Variants in CCR1 observed in about 807,000 individuals in gnomAD.
CCR1 encodes C-C motif chemokine receptor 1, also known as C-C chemokine receptor type 1.
In CCR1, 1 loss-of-function variant was observed where a neutral mutation model predicts 0.3. The observed-to-expected ratio is 3.70, with a 90% CI of 1.31 to 17.54. The LOEUF is 17.54. CCR1 is among the 30% of genes most tolerant of loss of function. The pLI is 0.11. For missense variants in CCR1, 349 were observed against 435.4 expected, an observed-to-expected ratio of 0.80 and a Z score of 1.77; for synonymous variants, 207 against 182.5, an observed-to-expected ratio of 1.13 and a Z score of -1.08.
chr3:46,204,355 CT>C, intron 1 of CCR1, 31 bp from the exon 2 acceptor site: 1 of 1,340,698 alleles, frequency 7.5e-7, no homozygotes, highest in Non-Finnish European at 1.0e-6. Context: ...AAAGATTTGT[CT>C]TTACTCTGCT....
chr3:46,203,201 G>T lies in CCR1; in HGVS notation c.*45C>A. Reference sequence around the variant, plus strand: ...CCAGGCTGCTGGCTCAGTGTGCCTGGCAGGTCACGCCTGCTTATTTTGGGT... The same window carrying T: ...CCAGGCTGCTGGCTCAGTGTGCCTGTCAGGTCACGCCTGCTTATTTTGGGT... On this transcript the variant is annotated 3_prime_UTR_variant, in exon 2 of 2. Coordinates refer to ENST00000296140, the MANE Select transcript of CCR1 (RefSeq NM_001295.3). This position sits in a 1 kb window ranked among gnomAD's most constrained non-coding sequence, Gnocchi z 4.5. 1.4e-6 allele frequency: 2 copies of T among 1,423,674 alleles called. No individual in the cohort carries two copies. The highest frequency in any genetic ancestry group is 1.9e-6 in the Non-Finnish European group (2 of 1,027,178). The allele number at this position is 1,423,674 out of a possible 1,614,324, so 88.2% of individuals were successfully genotyped here.
chr3:46,203,633 T>G lies in CCR1; in HGVS notation c.681A>C (p.Leu227=), dbSNP rs1699618876. The change falls in exon 2 of 2, where the codon CTA becomes CTC. Residue 227 remains leucine (L), a synonymous_variant. Transcript: ENST00000296140. The surrounding 1 kb of genome is among the most constrained non-coding windows in gnomAD (Gnocchi z 4.5). ...ICYTGIIKIL[L]RRPNEKKSKA... is the part of the protein sequence containing the mutation. Reference sequence around the variant, plus strand: ...TGGATTTCTTCTCATTTGGTCGTCTTAGCAGAATCTTTATAATCCCTGTGT... The same window carrying G: ...TGGATTTCTTCTCATTTGGTCGTCTGAGCAGAATCTTTATAATCCCTGTGT... 1 of 1,614,214 alleles carries G rather than the reference T, an allele frequency of 6.2e-7. No homozygotes were observed. Among genetic ancestry groups the G allele is most frequent in the Non-Finnish European group, 8.5e-7 (1 of 1,180,030 alleles).
At chr3:46,204,878 G>C (rs1440970698) in intron 1 of CCR1, among the ~76,000 whole-genome samples, 1 of 152,200 alleles carries the variant, frequency 6.6e-6, no homozygotes, top group Non-Finnish European at 1.5e-5. Context: ...ACGCTTTCCT[G>C]CTGCTGTCCC....
At chr3:46,206,805 C>A (rs1402111445) in intron 1 of CCR1, among the ~76,000 whole-genome samples, 4 of 152,158 alleles carry the variant, frequency 2.6e-5, no homozygotes, top group Non-Finnish European at 5.9e-5. Context: ...ATCTAATCTG[C>A]CAGCCCTGCT....
chr3:46,203,247 C>A lies in CCR1; in HGVS notation c.1067G>T (p.Ter356LeuextTer4). ...TGGGTTGGCCTCCTATGGTCTGAGT[C>A]AGAACCCAGCAGAGAGTTCATGCTC... ...TGEHELSAGF[*>L] The change falls in exon 2 of 2, where the codon TGA becomes TTA. Residue 356 changes from the stop codon to leucine, a stop_lost. Transcript: ENST00000296140. The surrounding 1 kb of genome is among the most constrained non-coding windows in gnomAD (Gnocchi z 4.5). The A allele has an allele frequency of 6.2e-7, 1 of 1,610,130 alleles. No individual in the cohort carries two copies. Among genetic ancestry groups the A allele is most frequent in the South Asian group, 1.1e-5 (1 of 90,668 alleles).
chr3:46,205,210 C>G (rs1460771060), intron 1 of CCR1, among the ~76,000 whole-genome samples: 1 of 152,144 alleles, frequency 6.6e-6, no homozygotes, highest in Non-Finnish European at 1.5e-5. Context: ...GATGAGGACA[C>G]TGAGGGCACC....
At chr3:46,204,591 A>G (rs1699630665) in intron 1 of CCR1, among the ~76,000 whole-genome samples, 1 of 152,186 alleles carries the variant, frequency 6.6e-6, no homozygotes, top group African/African-American at 2.4e-5. Flanking sequence ...ATTTCAGCAA[A>G]GAGTTTTGTA....
At chr3:46,204,647 A>G (rs1330543377) in intron 1 of CCR1, among the ~76,000 whole-genome samples, 1 of 152,222 alleles carries the variant, frequency 6.6e-6, no homozygotes, top group Admixed American at 6.5e-5. Context: ...ACCTTACCAT[A>G]CTATTCATAA....
chr3:46,203,354 C>G lies in CCR1; in HGVS notation c.960G>C (p.Val320=), dbSNP rs1699615689. 4 of 1,614,154 alleles carry G rather than the reference C, an allele frequency of 2.5e-6. No individual in the cohort carries two copies. The highest frequency in any genetic ancestry group is 3.4e-6 in the Non-Finnish European group (4 of 1,180,024). ...GGAGCCATTTAACCAGGTGCACAGC[C>G]ACACGCCTGTGGAACAACTGCCGCA... ...KYLRQLFHRR[V]AVHLVKWLPF... Residue 320 remains valine (V), a synonymous_variant, in exon 2 of 2, where the codon GTG becomes GTC. Transcript: ENST00000296140. The surrounding 1 kb of genome is among the most constrained non-coding windows in gnomAD (Gnocchi z 4.5).
Position 46,203,055 on chromosome 3 carries a change from T to G in CCR1, c.*191A>C. The G allele has an allele frequency of 5.6e-6, 3 of 536,778 alleles. No homozygotes were observed. The highest frequency in any genetic ancestry group is 6.6e-5 in the Admixed American group (2 of 30,116). 33.3% of individuals were successfully genotyped at this position (536,778 alleles called of 1,614,324 possible). A position where few individuals can be genotyped will look rare whatever the true frequency, so the allele number is the denominator to read the frequency against. The stretch of plus-strand genomic sequence containing the variant: ...CATCTTCTTTCTACCAGGGGAGAAG[T>G]TCATGGAAAAGACTGAAGCCCCAGA... On this transcript the variant is annotated 3_prime_UTR_variant, in exon 2 of 2. Transcript: ENST00000296140. This position sits in a 1 kb window ranked among gnomAD's most constrained non-coding sequence, Gnocchi z 4.5.
Position 46,203,197 on chromosome 3 carries a change from C to T in CCR1, c.*49G>A. 2 of 1,389,272 alleles carry T rather than the reference C, an allele frequency of 1.4e-6. No individual in the cohort carries two copies. Among genetic ancestry groups the T allele is most frequent in the Non-Finnish European group, 2.0e-6 (2 of 997,232 alleles). The allele number at this position is 1,389,272 out of a possible 1,614,324, so 86.1% of individuals were successfully genotyped here. ...AGAGCCAGGCTGCTGGCTCAGTGTG[C>T]CTGGCAGGTCACGCCTGCTTATTTT... On this transcript the variant is annotated 3_prime_UTR_variant, in exon 2 of 2. Transcript: ENST00000296140. This position sits in a 1 kb window ranked among gnomAD's most constrained non-coding sequence, Gnocchi z 4.5.
At chr3:46,207,853 G>T (rs1238409352) in intron 1 of CCR1, among the ~76,000 whole-genome samples, 1 of 151,998 alleles carries the variant, frequency 6.6e-6, no homozygotes, top group Non-Finnish European at 1.5e-5. Context: ...ATATGGCCAG[G>T]ATTGTCTCCA....
In CCR1 at chr3:46,203,188, C is replaced by T. The variant is rs1699613006; in HGVS notation, c.*58G>A. On this transcript the variant is annotated 3_prime_UTR_variant, in exon 2 of 2. Coordinates refer to ENST00000296140, the MANE Select transcript of CCR1 (RefSeq NM_001295.3). This position sits in a 1 kb window ranked among gnomAD's most constrained non-coding sequence, Gnocchi z 4.5. ...CTGGCTGGGAGAGCCAGGCTGCTGG[C>T]TCAGTGTGCCTGGCAGGTCACGCCT... The T allele has an allele frequency of 7.7e-7, 1 of 1,295,326 alleles. No individual in the cohort carries two copies. Among genetic ancestry groups the T allele is most frequent in the Non-Finnish European group, 1.1e-6 (1 of 917,244 alleles). The allele number at this position is 1,295,326 out of a possible 1,614,324, so 80.2% of individuals were successfully genotyped here.
rs758197206 is a variant in CCR1 at position 46,204,158 on chromosome 3, G to T, written c.156C>A (p.Asn52Lys). The T allele has an allele frequency of 6.2e-7, 1 of 1,614,138 alleles. No individual in the cohort carries two copies. ...GCACAAGGACCAGGACCACCAGGATGTTTCCAACCAGGCCAATGACAAATA... is the reference window on the plus strand; with the variant it reads ...GCACAAGGACCAGGACCACCAGGATTTTTCCAACCAGGCCAATGACAAATA... The part of the protein sequence containing the change: ...SLVFVIGLVG[N>K]ILVVLVLVQY... Residue 52 changes from asparagine to lysine, a missense_variant, in exon 2 of 2, where the codon AAC becomes AAA. By Grantham distance (94) the Asn-to-Lys change is moderately conservative. Transcript: ENST00000296140.
rs886476895 is a variant in CCR1, at chr3:46,204,326, T to C, written c.-11-2A>G. 2 of 1,486,848 alleles carry C rather than the reference T, an allele frequency of 1.3e-6. No individual in the cohort carries two copies. The highest frequency in any genetic ancestry group is 1.8e-6 in the Non-Finnish European group (2 of 1,113,550). 92.1% of individuals were successfully genotyped at this position (1,486,848 alleles called of 1,614,324 possible). On this transcript the variant is annotated splice_acceptor_variant, in intron 1 of 1. Transcript: ENST00000296140. LOFTEE classifies it low-confidence loss of function (5UTR_SPLICE). ...TTGGAGTTTCCATCCCGGCTTCTCC[T>C]ACAGGTTAAAAAAAAAAAAAAGATT...
In CCR1 at chr3:46,204,106, T is replaced by A; in HGVS notation, c.208A>T (p.Ser70Cys). ...VQYKRLKNMT[S>C]IYLLNLAISD... Reference sequence around the variant, plus strand: ...ATGGCCAGGTTCAGGAGGTAGATGCTGGTCATGTTTTTTAGCCTCTTGTAT... The same window carrying A: ...ATGGCCAGGTTCAGGAGGTAGATGCAGGTCATGTTTTTTAGCCTCTTGTAT... The change falls in exon 2 of 2, where the codon AGC becomes TGC. Residue 70 changes from serine (S) to cysteine (C), a missense_variant. Physicochemically the swap from Ser to Cys is moderately radical, Grantham distance 112. Transcript: ENST00000296140. 1 of 1,614,174 alleles carries A rather than the reference T, an allele frequency of 6.2e-7. No individual in the cohort carries two copies. Among genetic ancestry groups the A allele is most frequent in the Non-Finnish European group, 8.5e-7 (1 of 1,180,022 alleles).
chr3:46,204,054 A>G lies in CCR1; in HGVS notation c.260T>C (p.Leu87Pro). The change falls in exon 2 of 2, where the codon CTT becomes CCT. Residue 87 changes from leucine (L) to proline (P), a missense_variant. By Grantham distance (98) the Leu-to-Pro change is moderately conservative (BLOSUM62 -3). Coordinates refer to ENST00000296140, the MANE Select transcript of CCR1 (RefSeq NM_001295.3). ...AISDLLFLFT[L>P]PFWIDYKLKD... ...CAACTTGTAGTCGATCCAGAAGGGA[A>G]GCGTGAACAGGAAGAGCAGGTCAGA... 6.2e-7 allele frequency: 1 copy of G among 1,614,208 alleles called. No homozygotes were observed. Among genetic ancestry groups the G allele is most frequent in the Non-Finnish European group, 8.5e-7 (1 of 1,180,022 alleles).
intron 1 of CCR1, among the ~76,000 whole-genome samples, chr3:46,208,041 G>T (rs1175543546): frequency 6.6e-6 from 1 of 152,120 alleles, no homozygotes; most frequent in Non-Finnish European, 1.5e-5. Context: ...CTTCAAGTAA[G>T]CTTCCTTTTT....
In CCR1 at chr3:46,202,303, A is replaced by G. The variant is rs1157285680; in HGVS notation, c.*943T>C. The G allele has an allele frequency of 6.6e-6, 1 of 152,156 alleles. No individual in the cohort carries two copies. The highest frequency in any genetic ancestry group is 6.5e-5 in the Admixed American group (1 of 15,280). 9.4% of individuals were successfully genotyped at this position (152,156 alleles called of 1,614,324 possible). ...AACCAGAAGGCTTAGATGAAGAACAAAAAGAAGGGAAACCAACCCTGCTTC... is the reference window on the plus strand; with the variant it reads ...AACCAGAAGGCTTAGATGAAGAACAGAAAGAAGGGAAACCAACCCTGCTTC... On this transcript the variant is annotated 3_prime_UTR_variant, in exon 2 of 2. Transcript: ENST00000296140.
Sources: gnomAD v4.1 joint callset for allele counts (sites outside exome capture counted in the v4.1 genomes callset) on GRCh38, gnomAD v4.1.1 for gene constraint, Gnocchi (gnomAD v3.1) non-coding constraint, MANE v1.5 for transcripts, NCBI Gene and HGNC (gene_info 2026-07-23, HGNC 2026-07-21) for gene names.